The following PRR14L variants were observed in gnomAD, a reference collection of about 807,000 sequenced individuals.
The protein encoded by PRR14L is protein PRR14L.
A neutral mutation model predicts 155.0 loss-of-function variants in PRR14L; 80 were observed. That is an observed-to-expected ratio of 0.52 (90% confidence interval 0.43 to 0.62). The LOEUF is 0.62. Among genes scored for constraint, PRR14L ranks in the 20% least tolerant of loss-of-function variants. The probability of loss-of-function intolerance (pLI) is 0.00; values close to 1 mark genes in which losing one functional copy is unlikely to be tolerated. For synonymous variants in PRR14L, 883 were observed against 916.0 expected, an observed-to-expected ratio of 0.96 and a Z score of 0.65; for missense variants, 2,469 against 2,548.0, an observed-to-expected ratio of 0.97 and a Z score of 0.67.
chr22:31,694,224 C>A (rs906355764), intron 7 of PRR14L, among the ~76,000 whole-genome samples: 9 of 152,200 alleles, frequency 5.9e-5, no homozygotes, highest in Non-Finnish European at 1.0e-4. Flanking sequence ...TTGCGATGAG[C>A]CAAGATCGTG....
At chr22:31,686,265 AT>A (rs1016161380) in intron 8 of PRR14L, among the ~76,000 whole-genome samples, 609 of 136,284 alleles carry the variant, frequency 4.5e-3, no homozygotes, top group Middle Eastern at 0.011. Context: ...CGCCCGGCTA[AT>A]TTTTTTTTTT....
chr22:31,722,428 A>G (rs1359441866), intron 3 of PRR14L, among the ~76,000 whole-genome samples: 2 of 151,472 alleles, frequency 1.3e-5, no homozygotes, highest in East Asian at 3.9e-4. Flanking sequence ...AAAAAAAAAA[A>G]AAAAAGAAAG....
intron 1 of PRR14L, among the ~76,000 whole-genome samples, chr22:31,741,755 C>T (rs896848514): frequency 1.3e-5 from 2 of 151,926 alleles, no homozygotes; most frequent in Admixed American, 6.6e-5. Flanking sequence ...ACCTGTAGTC[C>T]CAGCTACTTA....
chr22:31,725,681 T>C, intron 2 of PRR14L, 71 bp from the exon 3 acceptor site: 1 of 957,664 alleles, frequency 1.0e-6, no homozygotes, highest in Non-Finnish European at 1.6e-6. Flanking sequence ...ATTATTATTA[T>C]TATTTTTTGA....
chr22:31,715,345 C>T lies in PRR14L; in HGVS notation c.2494G>A (p.Asp832Asn). Residue 832 changes from aspartate (D) to asparagine (N), a missense_variant, in exon 4 of 9, where the codon GAT becomes AAT. Transcript: ENST00000327423. ...TGTCCTGTTCCTTGGCAGCAGTGAT[C>T]ACGGTGCTGAAATGCATTTTCATAT... is the stretch of plus-strand genomic sequence containing the variant. ...TKYENAFQHR[D>N]HCCQGTGHSV... 1 of 1,552,042 alleles carries T rather than the reference C, an allele frequency of 6.4e-7. No individual in the cohort carries two copies. The highest frequency in any genetic ancestry group is 8.7e-7 in the Non-Finnish European group (1 of 1,147,076).
chr22:31,732,130 T>C (rs2147872835), intron 2 of PRR14L, among the ~76,000 whole-genome samples: 1 of 152,352 alleles, frequency 6.6e-6, no homozygotes, highest in East Asian at 1.9e-4. Context: ...TACTTGTGTA[T>C]AGGTTTTATA....
intron 2 of PRR14L, among the ~76,000 whole-genome samples, chr22:31,731,706 C>T (rs913973079): frequency 1.2e-4 from 18 of 150,928 alleles, no homozygotes; most frequent in Non-Finnish European, 2.1e-4. Context: ...CATATATTTA[C>T]TTATTTCCCC....
chr22:31,718,586 G>T lies in PRR14L; in HGVS notation c.548-1295C>A, dbSNP rs199823484. Among the ~76,000 whole-genome samples the T allele has an allele frequency of 1.1e-3, 158 of 147,672 alleles. 1 individual carries two copies. In the East Asian group the frequency reaches 0.027, roughly 25 times the overall value. ...CTAATTTTTTTGTATTTTTACTAGA[G>T]ACGGGGTTTCACCATGTTGGCCAGG... On this transcript the variant is annotated intron_variant, in intron 3 of 8. Coordinates refer to ENST00000327423, the MANE Select transcript of PRR14L (RefSeq NM_173566.3).
chr22:31,741,555 C>A (rs117955537), intron 1 of PRR14L, among the ~76,000 whole-genome samples: 8 of 152,114 alleles, frequency 5.3e-5, no homozygotes, highest in Non-Finnish European at 1.0e-4. Flanking sequence ...AAATGAGATT[C>A]TGGATGTGAA....
intron 7 of PRR14L, among the ~76,000 whole-genome samples, chr22:31,699,931 G>A (rs920035038): frequency 2.6e-5 from 4 of 151,746 alleles, no homozygotes; most frequent in African/African-American, 9.7e-5. Flanking sequence ...GACATCCTAG[G>A]TTTAGGCAAA....
chr22:31,687,904 G>A (rs1200683625), intron 8 of PRR14L, among the ~76,000 whole-genome samples: 1 of 151,402 alleles, frequency 6.6e-6, no homozygotes, highest in South Asian at 2.1e-4. Flanking sequence ...GGTGGCGGGC[G>A]CCTGTAGTCC....
At chr22:31,700,520 C>T (rs2074557743) in intron 7 of PRR14L, among the ~76,000 whole-genome samples, 1 of 152,184 alleles carries the variant, frequency 6.6e-6, no homozygotes, top group Non-Finnish European at 1.5e-5. Context: ...AGCACTATAA[C>T]GGAGGTAGTA....
At chr22:31,697,736 C>T (rs1489554914) in intron 7 of PRR14L, among the ~76,000 whole-genome samples, 3 of 151,920 alleles carry the variant, frequency 2.0e-5, no homozygotes, top group Admixed American at 2.0e-4. Context: ...CATGGTAGCA[C>T]ATGCCTGTAG....
chr22:31,732,863 GC>G (rs2074757637), intron 2 of PRR14L, among the ~76,000 whole-genome samples: 1 of 152,064 alleles, frequency 6.6e-6, no homozygotes, highest in Non-Finnish European at 1.5e-5. Context: ...AATACCTTAT[GC>G]CATAATGTAT....
chr22:31,733,598 T>A (rs1190913138), intron 2 of PRR14L, among the ~76,000 whole-genome samples: 1 of 152,072 alleles, frequency 6.6e-6, no homozygotes, highest in Non-Finnish European at 1.5e-5. Context: ...GAAGTCTATC[T>A]TTTAAGGCAG....
rs915779622 is a variant in PRR14L, at chr22:31,717,416, A to G, written c.548-125T>C. ...AGACCCAACTCAAAAAGAAAACTGG[A>G]AAGTTAGCATGCTATACCATTGATT... On this transcript the variant is annotated intron_variant, in intron 3 of 8. Transcript: ENST00000327423. The G allele has an allele frequency of 5.4e-6, 4 of 735,714 alleles. No homozygotes were observed. The Admixed American group carries it at 9.3e-5, about 17-fold the overall frequency. 45.6% of individuals were successfully genotyped at this position (735,714 alleles called of 1,614,324 possible).
chr22:31,738,692 A>G lies in PRR14L; in HGVS notation c.169T>C (p.Leu57=), dbSNP rs2074796569. The part of the protein sequence containing the change: ...DVKPGASSSL[L]SQNRALPLEL... ...AAGGGCAATGCCCTATTCTGACTTA[A>G]AAGAGAGCTTGAGGCTCCAGGTTTT... Residue 57 remains leucine (L), a synonymous_variant, in exon 2 of 9, where the codon TTA becomes CTA. Coordinates refer to ENST00000327423, the MANE Select transcript of PRR14L (RefSeq NM_173566.3). 6 of 1,551,838 alleles carry G rather than the reference A, an allele frequency of 3.9e-6. No homozygotes were observed. Among genetic ancestry groups the G allele is most frequent in the African/African-American group, 1.4e-5 (1 of 73,054 alleles).
rs1310934807 is a variant in PRR14L, at chr22:31,715,986, T to C, written c.1853A>G (p.Asp618Gly). Residue 618 changes from aspartate to glycine, a missense_variant, in exon 4 of 9, where the codon GAT becomes GGT. Coordinates refer to ENST00000327423, the MANE Select transcript of PRR14L (RefSeq NM_173566.3). ...ESEKVIQTSH[D>G]DIPLLDEQSI... is the part of the protein sequence containing the mutation. The stretch of plus-strand genomic sequence containing the variant: ...CTGTTCATCTAAAAGTGGAATATCA[T>C]CATGTGAGGTCTGTATAACTTTTTC... 13 of 1,551,232 alleles carry C rather than the reference T, an allele frequency of 8.4e-6. No homozygotes were observed. Among genetic ancestry groups the C allele is most frequent in the African/African-American group, 5.5e-5 (4 of 73,060 alleles).
chr22:31,714,635 C>A lies in PRR14L; in HGVS notation c.3204G>T (p.Val1068=). ...TDCSNKLAEG[V]LDVKASNLLD... is the part of the protein sequence containing the mutation. ...GTAGATTAGATGCCTTCACGTCCAG[C>A]ACACCTTCTGCAAGCTTATTACTAC... Residue 1068 remains valine, a synonymous_variant, in exon 4 of 9, where the codon GTG becomes GTT. Transcript: ENST00000327423. 1 of 1,552,100 alleles carries A rather than the reference C, an allele frequency of 6.4e-7. No individual in the cohort carries two copies. The highest frequency in any genetic ancestry group is 1.2e-5 in the South Asian group (1 of 84,070).
Sources: gnomAD v4.1 joint callset for allele counts (sites outside exome capture counted in the v4.1 genomes callset) on GRCh38, gnomAD v4.1.1 for gene constraint, MANE v1.5 for transcripts, NCBI Gene and HGNC (gene_info 2026-07-23, HGNC 2026-07-21) for gene names.